The following PDE11A variants were observed in gnomAD, a reference collection of about 807,000 sequenced individuals.
PDE11A encodes phosphodiesterase 11A.
Under a neutral mutation model 100.5 loss-of-function variants are expected in PDE11A, and 100 were observed. The ratio of observed to expected loss-of-function variants is 1.00; its 90% CI spans 0.85 to 1.18. The LOEUF (loss-of-function observed/expected upper bound fraction) is 1.18. Ranked by LOEUF, PDE11A falls within the 50% of genes most tolerant of loss-of-function variation. The pLI, the probability that PDE11A is intolerant of heterozygous loss-of-function variation, is 0.00. For missense variants in PDE11A, 1,141 were observed against 1,152.6 expected, an observed-to-expected ratio of 0.99 and a Z score of 0.15; for synonymous variants, 381 against 420.8, an observed-to-expected ratio of 0.91 and a Z score of 1.16.
intron 5 of PDE11A, among the ~76,000 whole-genome samples, chr2:177,874,497 G>T (rs1186101736): frequency 1.3e-5 from 2 of 152,154 alleles, no homozygotes; most frequent in African/African-American, 4.8e-5. Flanking sequence ...CAACCAAAGA[G>T]AATTTTTGTA....
At chr2:177,708,827 TAAG>T (rs1460663022) in intron 13 of PDE11A, among the ~76,000 whole-genome samples, 3 of 152,120 alleles carry the variant, frequency 2.0e-5, no homozygotes, top group Admixed American at 6.5e-5. Flanking sequence ...ACATGCCAAA[TAAG>T]AAGGGAAGAC....
At chr2:177,940,728 TA>T (rs1437966576) in intron 2 of PDE11A, among the ~76,000 whole-genome samples, 3 of 152,188 alleles carry the variant, frequency 2.0e-5, no homozygotes, top group Admixed American at 6.5e-5. Flanking sequence ...CAAATAAATT[TA>T]AAAATCACTA....
chr2:178,039,995 G>A (rs1254266750), intron 1 of PDE11A, among the ~76,000 whole-genome samples: 6 of 151,742 alleles, frequency 4.0e-5, no homozygotes, highest in Non-Finnish European at 5.9e-5. Flanking sequence ...TGACAATGAA[G>A]GTGGTGGTGA....
At position 177,769,352 on chromosome 2, in the gene PDE11A, A is replaced by G. The variant is rs770225114; in HGVS notation, c.1759T>C (p.Cys587Arg). 6.3e-7 allele frequency: 1 copy of G among 1,597,256 alleles called. No homozygotes were observed. The highest frequency in any genetic ancestry group is 2.2e-5 in the East Asian group (1 of 44,784). The change falls in exon 10 of 20, where the codon TGT becomes CGT. Residue 587 changes from cysteine (C) to arginine (R), a missense_variant. Physicochemically the swap from Cys to Arg is radical, Grantham distance 180. Coordinates refer to ENST00000286063, the MANE Select transcript of PDE11A (RefSeq NM_016953.4). ...AACTTGTCAACTTCAGCTTTTGAAC[A>G]TGTTGCATGGTATGATAGCACCTGA... is the stretch of plus-strand genomic sequence containing the variant. ...ALDVLSYHAT[C>R]SKAEVDKFKA...
chr2:177,858,529 A>T lies in PDE11A; in HGVS notation c.1367+17330T>A, dbSNP rs1054339545. ...ATCACTGGCCATCAGAGAAATGCAA[A>T]TCAAAACCACAATGAGATACCATCT... On this transcript the variant is annotated intron_variant, in intron 5 of 19. Coordinates refer to ENST00000286063, the MANE Select transcript of PDE11A (RefSeq NM_016953.4). 4.8e-4 allele frequency among the ~76,000 whole-genome samples: 73 copies of T among 152,300 alleles called. 1 individual carries two copies. The South Asian group carries it at 0.015, about 32-fold the overall frequency.
At chr2:177,786,809 A>T (rs2105527056) in intron 9 of PDE11A, among the ~76,000 whole-genome samples, 1 of 152,184 alleles carries the variant, frequency 6.6e-6, no homozygotes, top group Non-Finnish European at 1.5e-5. Context: ...TGAAATGAAT[A>T]AAATGAAGCG....
chr2:177,892,299 T>A (rs939041968), intron 4 of PDE11A, among the ~76,000 whole-genome samples: 5 of 145,406 alleles, frequency 3.4e-5, no homozygotes, highest in Admixed American at 6.8e-5. Context: ...CTTCTTACGG[T>A]TTTTTTCCAA....
At chr2:177,677,422 C>CAGTGGAGCA (rs1032449127) in intron 16 of PDE11A, among the ~76,000 whole-genome samples, 26 of 152,294 alleles carry the variant, frequency 1.7e-4, no homozygotes, top group African/African-American at 5.8e-4. Flanking sequence ...TCAATGAATA[C>CAGTGGAGCA]AGTGGAGCAA....
At chr2:177,729,756 T>C (rs188837836) in intron 10 of PDE11A, among the ~76,000 whole-genome samples, 4 of 152,326 alleles carry the variant, frequency 2.6e-5, no homozygotes, top group African/African-American at 9.6e-5. Context: ...TAGAATCTTT[T>C]TGCTTCAAGA....
chr2:177,938,227 A>G lies in PDE11A; in HGVS notation c.1072-33040T>C, dbSNP rs1574292463. Among the ~76,000 whole-genome samples, 3 of 152,202 alleles carry G rather than the reference A, an allele frequency of 2.0e-5. No homozygotes were observed. The South Asian group carries it at 6.2e-4, about 32-fold the overall frequency. On this transcript the variant is annotated intron_variant, in intron 2 of 19. Transcript: ENST00000286063. ...ACATGCTGCTTAGGATGCCTCCAAA[A>G]GTAGTGGCAGAAATATGAGCTTAGG...
chr2:177,676,281 G>A (rs1378230674), intron 16 of PDE11A, among the ~76,000 whole-genome samples: 3 of 152,078 alleles, frequency 2.0e-5, no homozygotes, highest in Non-Finnish European at 4.4e-5. Context: ...GGTGGGAGGA[G>A]GAAAAATAAG....
chr2:177,861,753 T>C (rs183012284), intron 5 of PDE11A, among the ~76,000 whole-genome samples: 1 of 152,018 alleles, frequency 6.6e-6, no homozygotes, highest in East Asian at 1.9e-4. Flanking sequence ...GTTGAGAGTC[T>C]CATAAACCTA....
rs148337079 is a variant in PDE11A, at chr2:177,846,205, C to G, written c.1368-5822G>C. ...TAGGATCATGAGTTTTGGCATACCT[C>G]AATCAAATGTCCCCTTTGCTGATTT... On this transcript the variant is annotated intron_variant, in intron 5 of 19. Transcript: ENST00000286063. Among the ~76,000 whole-genome samples the G allele has an allele frequency of 9.3e-4, 141 of 152,274 alleles. 1 individual carries two copies. The highest frequency in any genetic ancestry group is 3.2e-3 in the African/African-American group (132 of 41,548).
intron 2 of PDE11A, among the ~76,000 whole-genome samples, chr2:178,088,251 C>A (rs1316426138): frequency 2.0e-4 from 31 of 152,154 alleles, no homozygotes; most frequent in Admixed American, 2.0e-3. Flanking sequence ...CAATTTGATT[C>A]TAAATTCTAA....
At chr2:177,775,642 C>CTCATTTTTGT (rs925835030) in intron 9 of PDE11A, among the ~76,000 whole-genome samples, 1 of 152,170 alleles carries the variant, frequency 6.6e-6, no homozygotes, top group Non-Finnish European at 1.5e-5. Context: ...CTTGGCCACA[C>CTCATTTTTGT]TCATTTTTGT....
chr2:177,801,741 A>G (rs142233343), intron 9 of PDE11A, among the ~76,000 whole-genome samples: 257 of 152,216 alleles, frequency 1.7e-3, no homozygotes, highest in African/African-American at 5.9e-3. Context: ...TAAAAGCTAA[A>G]CCCAAAAAAG....
At chr2:178,077,599 G>T (rs1268269911), upstream of PDE11A, among the ~76,000 whole-genome samples, 1 of 152,160 alleles carries the variant, frequency 6.6e-6, no homozygotes, top group Non-Finnish European at 1.5e-5. Context: ...TTAAGGCCTT[G>T]TCAAAAGGCA....
intron 10 of PDE11A, among the ~76,000 whole-genome samples, chr2:177,734,053 T>C (rs2081734849): frequency 6.6e-6 from 1 of 152,186 alleles, no homozygotes; most frequent in African/African-American, 2.4e-5. Flanking sequence ...CCCCTTTCTG[T>C]ATTATGCAAA....
chr2:177,663,392 T>G (rs2080512972), intron 19 of PDE11A, among the ~76,000 whole-genome samples: 1 of 151,974 alleles, frequency 6.6e-6, no homozygotes, highest in Non-Finnish European at 1.5e-5. Context: ...CCGAACACCA[T>G]GTTTCATGGA....
Sources: allele counts gnomAD v4.1 joint callset (sites outside exome capture counted in the v4.1 genomes callset), GRCh38; gene constraint gnomAD v4.1.1; transcripts MANE v1.5; gene names NCBI Gene and HGNC (gene_info 2026-07-23, HGNC 2026-07-21).